The following CEP170B variants were observed in gnomAD, a reference collection of about 807,000 sequenced individuals.
CEP170B encodes centrosomal protein 170B.
CEP170B carries 55 observed loss-of-function variants against 120.6 expected under a neutral mutation model. The ratio of observed to expected loss-of-function variants is 0.46; its 90% CI spans 0.37 to 0.57. The LOEUF (loss-of-function observed/expected upper bound fraction) is 0.57. Ranked by LOEUF, CEP170B falls within the 20% of genes least tolerant of loss-of-function variation. CEP170B has a pLI of 0.00. For missense variants in CEP170B, 2,212 were observed against 2,253.3 expected, an observed-to-expected ratio of 0.98 and a Z score of 0.37; for synonymous variants, 1,033 against 954.5, an observed-to-expected ratio of 1.08 and a Z score of -1.52.
intron 2 of CEP170B, among the ~76,000 whole-genome samples, chr14:104,874,031 C>G (rs895664463): frequency 6.6e-6 from 1 of 152,172 alleles, no homozygotes; most frequent in Non-Finnish European, 1.5e-5. Context: ...TTCCAGGCTG[C>G]ACTCTCAGGC....
At chr14:104,877,224 C>T (rs939195112) in intron 3 of CEP170B, among the ~76,000 whole-genome samples, 2 of 152,234 alleles carry the variant, frequency 1.3e-5, no homozygotes, top group Non-Finnish European at 2.9e-5. Context: ...TGAATGGCTG[C>T]ACAGCAAGTG....
chr14:104,884,261 G>C lies in CEP170B; in HGVS notation c.1482G>C (p.Gly494=). ...RTPARPFGSV[G]RRSRLAQDFM... is the part of the protein sequence containing the mutation. ...CTGCCCGCCCCTTCGGAAGCGTGGG[G>C]CGCCGCTCCCGCCTGGCCCAGGACT... The change falls in exon 9 of 19, where the codon GGG becomes GGC. Residue 494 remains glycine, a synonymous_variant. Transcript: ENST00000414716. 6.5e-7 allele frequency: 1 copy of C among 1,544,024 alleles called. No homozygotes were observed. The highest frequency in any genetic ancestry group is 8.7e-7 in the Non-Finnish European group (1 of 1,146,154).
At chr14:104,876,097 T>A (rs1289077318) in intron 2 of CEP170B, among the ~76,000 whole-genome samples, 159 bp from the exon 3 acceptor site, 1 of 152,020 alleles carries the variant, frequency 6.6e-6, no homozygotes, top group Non-Finnish European at 1.5e-5. Context: ...TCTTGGCGAA[T>A]CCTGCTCTGG....
At chr14:104,864,836 C>G (rs1366822744), upstream of CEP170B, among the ~76,000 whole-genome samples, 2 of 152,168 alleles carry the variant, frequency 1.3e-5, no homozygotes, top group African/African-American at 4.8e-5. This position sits in a 1 kb window ranked among gnomAD's most constrained non-coding sequence, Gnocchi z 5.9. Context: ...GGACTCGAGG[C>G]GCGGCTGGAG....
rs780348020 is a variant in CEP170B at position 104,886,340 on chromosome 14, C to T, written c.2101C>T (p.Leu701Phe). 1 of 1,565,106 alleles carries T rather than the reference C, an allele frequency of 6.4e-7. No individual in the cohort carries two copies. Among genetic ancestry groups the T allele is most frequent in the Admixed American group, 1.9e-5 (1 of 53,468 alleles). Residue 701 changes from leucine to phenylalanine, a missense_variant, in exon 12 of 19, where the codon CTC becomes TTC. By Grantham distance (22) the Leu-to-Phe change is conservative. Transcript: ENST00000414716. ...GSLPVRMRRR[L>F]PQLPSERADS... is the part of the protein sequence containing the mutation. ...CCTGCCTGTGCGCATGCGGCGACGG[C>T]TCCCTCAGCTGCCCAGTGAGAGGGC...
In CEP170B at chr14:104,880,265, ACC is replaced by A. The variant is rs767591976; in HGVS notation, c.334-19_334-18del. ...CTCCTGAGGCTGGGCCCAGTACCTCACCCCGCCTGGCCTGCCCACAGCATGAA... is the reference window on the plus strand; with the variant it reads ...CTCCTGAGGCTGGGCCCAGTACCTCACCGCCTGGCCTGCCCACAGCATGAA... On this transcript the variant is annotated intron_variant, in intron 5 of 18. Transcript: ENST00000414716. The A allele has an allele frequency of 5.7e-6, 9 of 1,571,312 alleles. No individual in the cohort carries two copies. The South Asian group carries it at 9.3e-5, about 16-fold the overall frequency.
chr14:104,864,564 C>T (rs569041242), upstream of CEP170B, among the ~76,000 whole-genome samples: 9 of 152,284 alleles, frequency 5.9e-5, no homozygotes, highest in African/African-American at 2.2e-4. This position sits in a 1 kb window ranked among gnomAD's most constrained non-coding sequence, Gnocchi z 5.9. Context: ...ACCCAGGAAC[C>T]CCGAGCGCCT....
Position 104,894,802 on chromosome 14 carries a change from G to T in CEP170B, c.4509G>T (p.Lys1503Asn), listed in dbSNP as rs536421753. 1 of 1,608,060 alleles carries T rather than the reference G, an allele frequency of 6.2e-7. No individual in the cohort carries two copies. The highest frequency in any genetic ancestry group is 1.3e-5 in the African/African-American group (1 of 74,912). Reference sequence around the variant, plus strand: ...GCTCTGCACAGCCGGGGCTGGGGAAGGGCCGCGTGGCTGCCCAGAGCCCAC... The same window carrying T: ...GCTCTGCACAGCCGGGGCTGGGGAATGGCCGCGTGGCTGCCCAGAGCCCAC... ...LASSAQPGLG[K>N]GRVAAQSPPS... is the part of the protein sequence containing the mutation. Residue 1503 changes from lysine to asparagine, a missense_variant, in exon 19 of 19, where the codon AAG becomes AAT. Lys to Asn is a moderately conservative substitution (Grantham distance 94). Transcript: ENST00000414716.
chr14:104,894,973 C>G lies in CEP170B; in HGVS notation c.*15C>G. On this transcript the variant is annotated 3_prime_UTR_variant, in exon 19 of 19. Coordinates refer to ENST00000414716, the MANE Select transcript of CEP170B (RefSeq NM_001112726.3). Reference sequence around the variant, plus strand: ...TCCTGATCTAGGCCCCAGACCTGGCCAGGCCAGCCTCCCTGTGCGTGTGCG... The same window carrying G: ...TCCTGATCTAGGCCCCAGACCTGGCGAGGCCAGCCTCCCTGTGCGTGTGCG... The G allele has an allele frequency of 6.5e-7, 1 of 1,544,100 alleles. No individual in the cohort carries two copies. Among genetic ancestry groups the G allele is most frequent in the South Asian group, 1.2e-5 (1 of 82,884 alleles).
At chr14:104,888,763 C>T (rs1307151320) in intron 12 of CEP170B, among the ~76,000 whole-genome samples, 1 of 152,238 alleles carries the variant, frequency 6.6e-6, no homozygotes, top group Non-Finnish European at 1.5e-5. Context: ...TTCCTGACTC[C>T]CAGCATCCTC....
chr14:104,885,450 G>C lies in CEP170B; in HGVS notation c.1852G>C (p.Glu618Gln). 6.4e-7 allele frequency: 1 copy of C among 1,564,366 alleles called. No homozygotes were observed. Among genetic ancestry groups the C allele is most frequent in the Non-Finnish European group, 8.7e-7 (1 of 1,155,324 alleles). Reference sequence around the variant, plus strand: ...CCCAGTCATCAGAGGGGACAGAGATGAGTCTGATGACGGGGGCGTGGCCCA... The same window carrying C: ...CCCAGTCATCAGAGGGGACAGAGATCAGTCTGATGACGGGGGCGTGGCCCA... ...FRPVIRGDRD[E>Q]SDDGGVAQRM... Residue 618 changes from glutamate to glutamine, a missense_variant, in exon 10 of 19, where the codon GAG becomes CAG. By Grantham distance (29) the Glu-to-Gln change is conservative. This residue lies in a region of CEP170B where 2,166 missense variants were observed against 2,166.7 expected (regional missense o/e 1.00). Coordinates refer to ENST00000414716, the MANE Select transcript of CEP170B (RefSeq NM_001112726.3).
rs761579971 is a variant in CEP170B, at chr14:104,883,181, G to T, written c.724G>T (p.Val242Leu). 76 of 1,604,994 alleles carry T rather than the reference G, an allele frequency of 4.7e-5. No homozygotes were observed. The highest frequency in any genetic ancestry group is 6.4e-5 in the Non-Finnish European group (75 of 1,177,668). The change falls in exon 8 of 19, where the codon GTG becomes TTG. Residue 242 changes from valine (V) to leucine (L), a missense_variant. Coordinates refer to ENST00000414716, the MANE Select transcript of CEP170B (RefSeq NM_001112726.3). ...CCCGCAGCCGTCGCAGCCCCCCGAG[G>T]TGCCGGCACACGAGATGCCCACGAA... ...ETPQPSQPPE[V>L]PAHEMPTKDA... is the part of the protein sequence containing the mutation.
intron 6 of CEP170B, among the ~76,000 whole-genome samples, chr14:104,880,718 C>T (rs1896104437): frequency 2.0e-5 from 3 of 151,792 alleles, no homozygotes; most frequent in Admixed American, 6.6e-5. Flanking sequence ...TTATACACAC[C>T]CTACTCATGC....
At chr14:104,864,827 G>A (rs1895104603), upstream of CEP170B, among the ~76,000 whole-genome samples, 1 of 152,196 alleles carries the variant, frequency 6.6e-6, no homozygotes, top group Non-Finnish European at 1.5e-5. The surrounding 1 kb of genome is among the most constrained non-coding windows in gnomAD (Gnocchi z 5.9). Context: ...AAAGGTTGGG[G>A]ACTCGAGGCG....
rs1028328577 is a variant in CEP170B, at chr14:104,867,280, C to T, written c.-27-1144C>T. Among the ~76,000 whole-genome samples, 5 of 152,138 alleles carry T rather than the reference C, an allele frequency of 3.3e-5. No individual in the cohort carries two copies. Among genetic ancestry groups the T allele is most frequent in the Non-Finnish European group, 5.9e-5 (4 of 68,006 alleles). On this transcript the variant is annotated intron_variant, in intron 1 of 18. Coordinates refer to ENST00000414716, the MANE Select transcript of CEP170B (RefSeq NM_001112726.3). The surrounding 1 kb of genome is among the most constrained non-coding windows in gnomAD (Gnocchi z 5.4). ...GTTCCCTCTGCCTGGAATGCAGTCC[C>T]ACAAGCGTTCATGGGCTCACTTCCA...
chr14:104,878,526 G>C (rs753502863), intron 5 of CEP170B, 25 bp downstream of exon 5: 1 of 1,606,670 alleles, frequency 6.2e-7, no homozygotes, highest in East Asian at 2.2e-5. Flanking sequence ...AGCCCGGGTG[G>C]CTCAGCCACG....
In CEP170B at chr14:104,882,709, C is replaced by T; in HGVS notation, c.473-19C>T. On this transcript the variant is annotated intron_variant, in intron 6 of 18. Coordinates refer to ENST00000414716, the MANE Select transcript of CEP170B (RefSeq NM_001112726.3). ...GGGGCCCCAGCAACACAGGGTCTGA[C>T]CTCTCGCTCCCTCCACAGAGGCAGC... is the stretch of plus-strand genomic sequence containing the variant. The T allele has an allele frequency of 6.2e-7, 1 of 1,601,852 alleles. No individual in the cohort carries two copies.
Position 104,882,756 on chromosome 14 carries a change from T to C in CEP170B, c.501T>C (p.Tyr167=), listed in dbSNP as rs771722315. Residue 167 remains tyrosine (Y), a synonymous_variant, in exon 7 of 19, where the codon TAT becomes TAC. Coordinates refer to ENST00000414716, the MANE Select transcript of CEP170B (RefSeq NM_001112726.3). ...TEAASYRTPL[Y]GQPSWWGEDD... ...CAGCCTCTTACCGCACACCCCTGTA[T>C]GGGCAGCCCTCCTGGTGGGGTGAGG... The C allele has an allele frequency of 1.5e-5, 24 of 1,612,220 alleles. No homozygotes were observed. The highest frequency in any genetic ancestry group is 2.0e-5 in the Non-Finnish European group (24 of 1,179,638).
chr14:104,886,935 G>A lies in CEP170B; in HGVS notation c.2696G>A (p.Arg899Gln), dbSNP rs747523099. The A allele has an allele frequency of 6.8e-6, 11 of 1,608,900 alleles. No homozygotes were observed. Among genetic ancestry groups the A allele is most frequent in the East Asian group, 6.7e-5 (3 of 44,880 alleles). ...CTTCTACAGGACCTGGCCGCTACCC[G>A]GGCCGCACGCATGGACTTCCACTCC... ...HPLLQDLAATRAARMDFHSQD... is the reference protein window; with the variant it reads ...HPLLQDLAATQAARMDFHSQD... Residue 899 changes from arginine (R) to glutamine (Q), a missense_variant, in exon 12 of 19, where the codon CGG becomes CAG. This residue lies in a region of CEP170B where 2,166 missense variants were observed against 2,166.7 expected (regional missense o/e 1.00). Transcript: ENST00000414716.
Sources: allele counts gnomAD v4.1 joint callset (sites outside exome capture counted in the v4.1 genomes callset), GRCh38; gene constraint gnomAD v4.1.1; regional missense constraint gnomAD v4.1.1; non-coding constraint Gnocchi (gnomAD v3.1); transcripts MANE v1.5; gene names NCBI Gene and HGNC (gene_info 2026-07-23, HGNC 2026-07-21).